Variants in NT5C2 observed in about 807,000 individuals in gnomAD.
NT5C2 encodes 5'-nucleotidase, cytosolic II, also known as cytosolic purine 5'-nucleotidase.
A neutral mutation model predicts 76.1 loss-of-function variants in NT5C2; 58 were observed. That is an observed-to-expected ratio of 0.76 (90% CI 0.62 to 0.95). The LOEUF is 0.95. Ranked by LOEUF, NT5C2 falls within the 40% of genes least tolerant of loss-of-function variation. The pLI is 0.00. For missense variants in NT5C2, 478 were observed against 690.3 expected (o/e 0.69, Z 3.45); for synonymous variants, 229 against 237.4 (o/e 0.96, Z 0.32).
At chr10:103,104,296 G>C (rs1486615126) in intron 6 of NT5C2, among the ~76,000 whole-genome samples, 1 of 152,234 alleles carries the variant, frequency 6.6e-6, no homozygotes, top group Non-Finnish European at 1.5e-5. Context: ...TAAGGGAAGA[G>C]AGGAAGTCTG....
chr10:103,092,287 A>G lies in NT5C2; in HGVS notation c.1160-672T>C, dbSNP rs1398156206. On this transcript the variant is annotated intron_variant, in intron 15 of 18. Transcript: ENST00000404739. ...CAAATAATTTTCTGTATTCAGCTCCATTGGAAAGGTAAAATAATAGTAATA... is the reference window on the plus strand; with the variant it reads ...CAAATAATTTTCTGTATTCAGCTCCGTTGGAAAGGTAAAATAATAGTAATA... Among the ~76,000 whole-genome samples, 3 of 152,246 alleles carry G rather than the reference A, an allele frequency of 2.0e-5. No homozygotes were observed. In the East Asian group the frequency reaches 5.8e-4, roughly 29 times the overall value.
intron 3 of NT5C2, among the ~76,000 whole-genome samples, chr10:103,148,729 TA>T (rs1200446275): frequency 6.6e-6 from 1 of 152,136 alleles, no homozygotes; most frequent in Non-Finnish European, 1.5e-5. Context: ...GAAATTATAA[TA>T]CTCATTTTAC....
chr10:103,131,458 G>A (rs111756708), intron 4 of NT5C2, among the ~76,000 whole-genome samples: 19 of 152,270 alleles, frequency 1.2e-4, no homozygotes, highest in Admixed American at 7.2e-4. Flanking sequence ...TTATAAAGGC[G>A]GAGCACTTGT....
At chr10:103,128,250 G>A (rs2135939563) in intron 4 of NT5C2, among the ~76,000 whole-genome samples, 1 of 150,338 alleles carries the variant, frequency 6.7e-6, no homozygotes, top group African/African-American at 2.4e-5. Context: ...TGGTTTTGGT[G>A]GAGACGGGGT....
chr10:103,141,451 C>G (rs2080410483), intron 3 of NT5C2, among the ~76,000 whole-genome samples: 1 of 152,020 alleles, frequency 6.6e-6, no homozygotes, highest in African/African-American at 2.4e-5. Flanking sequence ...GAGTGAGACC[C>G]TGTTCCCAAA....
At chr10:103,160,695 T>C (rs2084628458) in intron 3 of NT5C2, among the ~76,000 whole-genome samples, 2 of 152,172 alleles carry the variant, frequency 1.3e-5, no homozygotes, top group South Asian at 2.1e-4. Flanking sequence ...TGAGATACTA[T>C]TTCACACACA....
In NT5C2 at chr10:103,090,340, C is replaced by CTA. The variant is rs2066426446; in HGVS notation, c.1449+269_1449+270dup. ...TCAATCAATCCTCCCACCTCAGCCT[C>CTA]TAAAGTTCTGGGGTTACAGGCATGA... On this transcript the variant is annotated intron_variant, in intron 18 of 18. Coordinates refer to ENST00000404739, the MANE Select transcript of NT5C2 (RefSeq NM_001351169.2). The CTA allele has an allele frequency of 1.5e-5, 6 of 391,758 alleles. No individual in the cohort carries two copies. The South Asian group carries it at 3.4e-4, about 22-fold the overall frequency. 24.3% of individuals were successfully genotyped at this position (391,758 alleles called of 1,614,324 possible).
chr10:103,158,229 G>A (rs1258719035), intron 3 of NT5C2, among the ~76,000 whole-genome samples: 1 of 152,066 alleles, frequency 6.6e-6, no homozygotes, highest in Non-Finnish European at 1.5e-5. Context: ...AGCAAAAGCA[G>A]TGCTCAGAAG....
At chr10:103,184,110 G>A (rs1222249325) in intron 1 of NT5C2, among the ~76,000 whole-genome samples, 1 of 151,884 alleles carries the variant, frequency 6.6e-6, no homozygotes, top group African/African-American at 2.4e-5. Context: ...GAGCCACCAC[G>A]CCCGGCTAAT....
Position 103,089,569 on chromosome 10 carries a change from G to GC in NT5C2, c.*102dup, listed in dbSNP as rs967100208. ...ACTTTTCAGACGTACCTTTCATGGA[G>GC]CCCCCTCCCTCCCCCGAGTAGAACC... On this transcript the variant is annotated 3_prime_UTR_variant, in exon 19 of 19. Coordinates refer to ENST00000404739, the MANE Select transcript of NT5C2 (RefSeq NM_001351169.2). The GC allele has an allele frequency of 7.0e-7, 1 of 1,424,968 alleles. No individual in the cohort carries two copies. Among genetic ancestry groups the GC allele is most frequent in the African/African-American group, 1.4e-5 (1 of 69,466 alleles). 88.3% of individuals were successfully genotyped at this position (1,424,968 alleles called of 1,614,324 possible). A position where few individuals can be genotyped will look rare whatever the true frequency, so the allele number is the denominator to read the frequency against.
At chr10:103,186,673 G>A (rs1362665789) in intron 1 of NT5C2, among the ~76,000 whole-genome samples, 1 of 152,164 alleles carries the variant, frequency 6.6e-6, no homozygotes, top group South Asian at 2.1e-4. Context: ...CCAGCACTTT[G>A]GGAGGCCGAG....
chr10:103,115,785 T>A (rs951083038), intron 4 of NT5C2, among the ~76,000 whole-genome samples: 2 of 152,116 alleles, frequency 1.3e-5, no homozygotes, highest in African/African-American at 4.8e-5. Flanking sequence ...TAAAAAGTTG[T>A]CTAAGAAGTA....
chr10:103,191,220 C>A (rs952133100), intron 1 of NT5C2, among the ~76,000 whole-genome samples: 2 of 151,762 alleles, frequency 1.3e-5, no homozygotes, highest in Admixed American at 6.6e-5. Context: ...GGAGAAACCC[C>A]GTCTCTACAA....
chr10:103,135,767 G>T (rs935704281), intron 4 of NT5C2, among the ~76,000 whole-genome samples: 1 of 150,744 alleles, frequency 6.6e-6, no homozygotes, highest in South Asian at 2.1e-4. Flanking sequence ...CAGGCTGAGT[G>T]ACACAGCAAG....
chr10:103,129,724 C>T (rs1591234181), intron 4 of NT5C2, among the ~76,000 whole-genome samples: 2 of 102,424 alleles, frequency 2.0e-5, no homozygotes, highest in East Asian at 3.2e-4. Context: ...CCCCTCTGCC[C>T]GGCCAGCCGC....
chr10:103,187,307 A>G (rs1253291572), intron 1 of NT5C2, among the ~76,000 whole-genome samples: 1 of 152,056 alleles, frequency 6.6e-6, no homozygotes, highest in Non-Finnish European at 1.5e-5. Flanking sequence ...GCACTTTGGG[A>G]GGCTGAGGCG....
At chr10:103,187,201 G>C (rs1217915393) in intron 1 of NT5C2, among the ~76,000 whole-genome samples, 1 of 151,842 alleles carries the variant, frequency 6.6e-6, no homozygotes, top group African/African-American at 2.4e-5. Context: ...AGTACGCTGA[G>C]AGCGCACCTC....
rs557395272 is a variant in NT5C2, at chr10:103,174,806, G to A, written c.101+52C>T. 1.2e-3 allele frequency: 1,307 copies of A among 1,124,054 alleles called. 15 individuals are homozygous for A. In the South Asian group the frequency reaches 0.016, roughly 13 times the overall value. 69.6% of individuals were successfully genotyped at this position (1,124,054 alleles called of 1,614,324 possible). A position where few individuals can be genotyped will look rare whatever the true frequency, so the allele number is the denominator to read the frequency against. On this transcript the variant is annotated intron_variant, in intron 3 of 18. Coordinates refer to ENST00000404739, the MANE Select transcript of NT5C2 (RefSeq NM_001351169.2). ...ACATTAATTTCATCATCTGTAAAAT[G>A]AAGTCCCACTTCATAGAGGGGTTTT...
intron 4 of NT5C2, among the ~76,000 whole-genome samples, chr10:103,123,281 C>T (rs1055486572): frequency 6.6e-6 from 1 of 152,080 alleles, no homozygotes; most frequent in Non-Finnish European, 1.5e-5. Flanking sequence ...CACTACCACA[C>T]ACTGCTAATA....
Sources: gnomAD v4.1 joint callset for allele counts (sites outside exome capture counted in the v4.1 genomes callset) on GRCh38, gnomAD v4.1.1 for gene constraint, MANE v1.5 for transcripts, NCBI Gene and HGNC (gene_info 2026-07-23, HGNC 2026-07-21) for gene names.